Variants in PDE4D observed in about 807,000 individuals in gnomAD.
PDE4D encodes phosphodiesterase 4D.
A neutral mutation model predicts 87.4 loss-of-function variants in PDE4D; 24 were observed. That is an observed-to-expected ratio of 0.27 (90% CI 0.20 to 0.39). PDE4D has a LOEUF of 0.39. PDE4D is among the 10% of genes least tolerant of loss of function. The pLI is 1.00. For synonymous variants in PDE4D, 384 were observed against 383.2 expected (o/e 1.00, Z -0.02); for missense variants, 714 against 1,041.0 (o/e 0.69, Z 4.32).
chr5:59,275,218 A>C, intron 1 of PDE4D: 1 of 768,094 alleles, frequency 1.3e-6, no homozygotes, highest in South Asian at 1.9e-5. Flanking sequence ...AAAGAATAAA[A>C]GAGCCGCCAA....
At chr5:59,829,193 A>T (rs1770683941) in intron 1 of PDE4D, among the ~76,000 whole-genome samples, 1 of 151,994 alleles carries the variant, frequency 6.6e-6, no homozygotes, top group African/African-American at 2.4e-5. Context: ...GTAACAAGGG[A>T]TGCAGGATAC....
At chr5:59,876,177 A>G (rs1490024128) in intron 1 of PDE4D, among the ~76,000 whole-genome samples, 1 of 152,190 alleles carries the variant, frequency 6.6e-6, no homozygotes. Flanking sequence ...CCAGGTCTGC[A>G]TCTAGAGAAA....
At chr5:59,446,233 TTAAG>T (rs1798321338) in intron 1 of PDE4D, among the ~76,000 whole-genome samples, 1 of 152,180 alleles carries the variant, frequency 6.6e-6, no homozygotes, top group Admixed American at 6.5e-5. Flanking sequence ...TTATAAGTAC[TTAAG>T]TAACTTGATA....
chr5:59,639,432 A>C (rs1255771737), intron 1 of PDE4D, among the ~76,000 whole-genome samples: 2 of 152,132 alleles, frequency 1.3e-5, no homozygotes, highest in Admixed American at 1.3e-4. Flanking sequence ...AAGACTAAGA[A>C]GCCCATAACC....
chr5:59,800,100 G>T (rs993026093), intron 1 of PDE4D, among the ~76,000 whole-genome samples: 2 of 152,054 alleles, frequency 1.3e-5, no homozygotes, highest in African/African-American at 4.8e-5. Flanking sequence ...AATGAAGGGA[G>T]GTCTAGTCAT....
At chr5:59,635,512 C>A (rs942498992) in intron 1 of PDE4D, among the ~76,000 whole-genome samples, 2 of 152,162 alleles carry the variant, frequency 1.3e-5, no homozygotes, top group African/African-American at 2.4e-5. Context: ...TAAACCAAAT[C>A]CAGCAACGCA....
rs182889781 is a variant in PDE4D at position 59,646,872 on chromosome 5, A to G, written c.455+246296T>C. Reference sequence around the variant, plus strand: ...AACATGGTGAAACCCTGTCTCTACTAAAACTACAAAAAATTAGCTGATCAT... The same window carrying G: ...AACATGGTGAAACCCTGTCTCTACTGAAACTACAAAAAATTAGCTGATCAT... On this transcript the variant is annotated intron_variant, in intron 1 of 14. Transcript: ENST00000340635. 6.5e-3 allele frequency among the ~76,000 whole-genome samples: 983 copies of G among 152,196 alleles called. 15 individuals are homozygous for G. The highest frequency in any genetic ancestry group is 0.022 in the African/African-American group (916 of 41,516).
intron 11 of PDE4D, 113 bp downstream of exon 11, chr5:58,988,380 A>G (rs1320779991): frequency 1.6e-5 from 7 of 443,640 alleles, no homozygotes; most frequent in Non-Finnish European, 2.4e-5. Context: ...ACACATATAT[A>G]CACATCTCAA....
intron 5 of PDE4D, among the ~76,000 whole-genome samples, chr5:59,156,331 A>ATATATATATATATGTGTGTGTG (rs1384479557): frequency 2.4e-5 from 3 of 122,758 alleles, no homozygotes; most frequent in South Asian, 5.1e-4. Flanking sequence ...ATATATATAT[A>ATATATATATATATGTGTGTGTG]TGTGTGTGTG....
chr5:60,192,088 C>A (rs990531046), intron 1 of PDE4D, among the ~76,000 whole-genome samples: 3 of 151,800 alleles, frequency 2.0e-5, no homozygotes, highest in African/African-American at 7.3e-5. Flanking sequence ...TACATTGTAC[C>A]ATTTACAAAA....
intron 1 of PDE4D, among the ~76,000 whole-genome samples, chr5:59,671,730 C>T (rs1043379636): frequency 5.3e-5 from 8 of 151,374 alleles, no homozygotes; most frequent in African/African-American, 1.5e-4. Flanking sequence ...ATCACTGGAG[C>T]CCAGCAAGTA....
chr5:59,966,260 A>T (rs1265183090), intron 3 of PDE4D, among the ~76,000 whole-genome samples: 1 of 152,170 alleles, frequency 6.6e-6, no homozygotes, highest in East Asian at 1.9e-4. Flanking sequence ...ATTATGCTTC[A>T]TTGTCTCATG....
intron 1 of PDE4D, among the ~76,000 whole-genome samples, chr5:59,861,450 C>A (rs955134219): frequency 3.3e-5 from 5 of 152,252 alleles, no homozygotes; most frequent in South Asian, 2.1e-4. Flanking sequence ...TCTACTTCTA[C>A]ACAACATTCT....
intron 2 of PDE4D, among the ~76,000 whole-genome samples, chr5:60,155,458 T>C (rs1781885425): frequency 1.3e-5 from 2 of 152,234 alleles, no homozygotes; most frequent in Admixed American, 1.3e-4. Flanking sequence ...CTTATTGATT[T>C]GTACTAGTTC....
intron 1 of PDE4D, among the ~76,000 whole-genome samples, chr5:59,682,505 G>T (rs2150368105): frequency 6.6e-6 from 1 of 152,276 alleles, no homozygotes; most frequent in East Asian, 1.9e-4. Flanking sequence ...TGTTTACGTT[G>T]CCTCCAAATT....
chr5:58,991,945 TTTTC>T lies in PDE4D; in HGVS notation c.1071_1074del (p.Lys358AspfsTer12). On this transcript the variant is annotated frameshift_variant, in exon 8 of 15. Coordinates refer to ENST00000340635, the MANE Select transcript of PDE4D (RefSeq NM_001104631.2). LOFTEE classifies it high-confidence loss of function. ...ACTCCACTGATCTGAGACATTGGTC[TTTTC>T]TTTTTCTCCTTTTCCTTCTGAGTTG... The T allele has an allele frequency of 6.2e-7, 1 of 1,603,298 alleles. No individual in the cohort carries two copies. Among genetic ancestry groups the T allele is most frequent in the Non-Finnish European group, 8.5e-7 (1 of 1,174,408 alleles).
At chr5:60,053,033 T>C (rs1770361158) in intron 2 of PDE4D, among the ~76,000 whole-genome samples, 1 of 152,030 alleles carries the variant, frequency 6.6e-6, no homozygotes, top group Non-Finnish European at 1.5e-5. Flanking sequence ...CTCAAGGAAA[T>C]AAGAGAGGAC....
chr5:59,587,680 T>A (rs1825370378), intron 1 of PDE4D: 1 of 939,284 alleles, frequency 1.1e-6, no homozygotes, highest in Non-Finnish European at 1.3e-6. Context: ...TGTGCTGGCG[T>A]CAAGGGGGCC....
intron 1 of PDE4D, among the ~76,000 whole-genome samples, chr5:59,757,850 C>CT (rs1465992852): frequency 6.6e-6 from 1 of 152,128 alleles, no homozygotes; most frequent in Non-Finnish European, 1.5e-5. Flanking sequence ...CCATTGACCC[C>CT]TTTTCACCAA....
Sources: gnomAD v4.1 joint callset for allele counts (sites outside exome capture counted in the v4.1 genomes callset) on GRCh38, gnomAD v4.1.1 for gene constraint, MANE v1.5 for transcripts, NCBI Gene and HGNC (gene_info 2026-07-23, HGNC 2026-07-21) for gene names.